Variants in TAFA1 observed in about 807,000 individuals in gnomAD.
TAFA1 encodes TAFA chemokine like family member 1.
In TAFA1, 4 loss-of-function variants were observed where a neutral mutation model predicts 18.5. The observed-to-expected ratio is 0.22, with a 90% CI of 0.11 to 0.49. The LOEUF is 0.49. TAFA1 is among the 20% of genes least tolerant of loss of function. The probability of loss-of-function intolerance (pLI) is 0.98; values close to 1 mark genes in which losing one functional copy is unlikely to be tolerated. For synonymous variants in TAFA1, 56 were observed against 55.2 expected (o/e 1.01, Z -0.06); for missense variants, 147 against 169.0 (o/e 0.87, Z 0.72).
At chr3:68,257,815 C>T (rs1360809902) in intron 2 of TAFA1, among the ~76,000 whole-genome samples, 2 of 152,004 alleles carry the variant, frequency 1.3e-5, no homozygotes, top group Non-Finnish European at 2.9e-5. Flanking sequence ...ACTTGGAAGC[C>T]ATTATCTTAA....
chr3:68,299,673 T>TA (rs1267583966), intron 2 of TAFA1, among the ~76,000 whole-genome samples: 1 of 152,182 alleles, frequency 6.6e-6, no homozygotes, highest in African/African-American at 2.4e-5. Flanking sequence ...TCCCTCCCAT[T>TA]ACAGGCCTGG....
chr3:68,148,614 C>T (rs558599531), intron 2 of TAFA1, among the ~76,000 whole-genome samples: 4 of 152,206 alleles, frequency 2.6e-5, no homozygotes, highest in East Asian at 1.9e-4. Context: ...AGCTTCTCAG[C>T]GCTGTCTTTG....
chr3:68,276,938 A>T (rs1252688241), intron 2 of TAFA1, among the ~76,000 whole-genome samples: 1 of 152,178 alleles, frequency 6.6e-6, no homozygotes, highest in Non-Finnish European at 1.5e-5. Flanking sequence ...TTCTGATTTT[A>T]AATATTCAAA....
At chr3:68,297,701 T>C (rs1208415167) in intron 2 of TAFA1, among the ~76,000 whole-genome samples, 1 of 152,192 alleles carries the variant, frequency 6.6e-6, no homozygotes, top group East Asian at 1.9e-4. Flanking sequence ...AGCAAGATCT[T>C]CCTCTCCTGA....
chr3:68,194,529 T>C (rs980587005), intron 2 of TAFA1, among the ~76,000 whole-genome samples: 1 of 151,770 alleles, frequency 6.6e-6, no homozygotes, highest in Non-Finnish European at 1.5e-5. Context: ...TATATTGTAC[T>C]AAAAAAATTT....
chr3:68,425,180 C>T (rs1302767495), intron 3 of TAFA1, among the ~76,000 whole-genome samples: 1 of 151,880 alleles, frequency 6.6e-6, no homozygotes, highest in African/African-American at 2.4e-5. Context: ...AAATATTAAA[C>T]GTTTTTGGGG....
At chr3:68,088,457 C>T (rs1350658955) in intron 2 of TAFA1, among the ~76,000 whole-genome samples, 1 of 152,198 alleles carries the variant, frequency 6.6e-6, no homozygotes, top group Non-Finnish European at 1.5e-5. Flanking sequence ...CCAAGTTCAA[C>T]TAATTATTAG....
intron 3 of TAFA1, among the ~76,000 whole-genome samples, chr3:68,502,033 G>T (rs2072666686): frequency 6.6e-6 from 1 of 152,124 alleles, no homozygotes; most frequent in African/African-American, 2.4e-5. Context: ...TTCAAGCTGG[G>T]CCTTAGTACA....
chr3:68,025,183 G>C (rs1261854445), intron 2 of TAFA1, among the ~76,000 whole-genome samples: 1 of 152,028 alleles, frequency 6.6e-6, no homozygotes, highest in African/African-American at 2.4e-5. Flanking sequence ...GCCAACTACT[G>C]TCTTCAGATT....
At chr3:68,123,366 A>T (rs2065423589) in intron 2 of TAFA1, among the ~76,000 whole-genome samples, 1 of 152,112 alleles carries the variant, frequency 6.6e-6, no homozygotes. Flanking sequence ...TCCAATAAAA[A>T]CACACGGATG....
chr3:68,508,256 T>C (rs1438578110), intron 3 of TAFA1, among the ~76,000 whole-genome samples: 1 of 151,898 alleles, frequency 6.6e-6, no homozygotes, highest in Admixed American at 6.6e-5. Context: ...TAACCTTAAT[T>C]ACTTGCTTAC....
intron 2 of TAFA1, among the ~76,000 whole-genome samples, chr3:68,070,110 C>T (rs1429719982): frequency 6.6e-6 from 1 of 152,228 alleles, no homozygotes; most frequent in Non-Finnish European, 1.5e-5. Context: ...TGTGGGGGCT[C>T]TAATCCTACA....
intron 2 of TAFA1, among the ~76,000 whole-genome samples, chr3:68,012,950 T>G (rs1455190805): frequency 1.3e-5 from 2 of 152,180 alleles, no homozygotes; most frequent in Non-Finnish European, 2.9e-5. Flanking sequence ...TTGCAGTGCT[T>G]GTAAGTATAT....
intron 2 of TAFA1, among the ~76,000 whole-genome samples, chr3:68,072,674 G>A (rs1371489095): frequency 6.6e-6 from 1 of 152,114 alleles, no homozygotes; most frequent in African/African-American, 2.4e-5. Flanking sequence ...TTAGGTGAAT[G>A]GTGACACCAC....
intron 2 of TAFA1, among the ~76,000 whole-genome samples, chr3:68,024,362 G>C (rs960260216): frequency 3.3e-5 from 5 of 152,086 alleles, no homozygotes; most frequent in African/African-American, 1.2e-4. Flanking sequence ...TAGGTGTTAA[G>C]TGACTTATTT....
At chr3:68,525,485 A>G (rs959564074) in intron 3 of TAFA1, among the ~76,000 whole-genome samples, 1 of 152,148 alleles carries the variant, frequency 6.6e-6, no homozygotes, top group Non-Finnish European at 1.5e-5. Flanking sequence ...AATTCTTCCA[A>G]ATAGTCCAGA....
At chr3:68,425,537 A>C (rs1261282959) in intron 3 of TAFA1, among the ~76,000 whole-genome samples, 1 of 151,930 alleles carries the variant, frequency 6.6e-6, no homozygotes, top group Non-Finnish European at 1.5e-5. Context: ...TTGAAACAGC[A>C]TTTAGTCCCC....
chr3:68,009,993 A>G (rs1266182689), intron 2 of TAFA1, among the ~76,000 whole-genome samples: 1 of 152,228 alleles, frequency 6.6e-6, no homozygotes, highest in East Asian at 1.9e-4. Flanking sequence ...AAAACAAGTG[A>G]CATGATGAGA....
intron 2 of TAFA1, among the ~76,000 whole-genome samples, chr3:68,161,204 T>C (rs2065921854): frequency 6.6e-6 from 1 of 152,234 alleles, no homozygotes; most frequent in Non-Finnish European, 1.5e-5. Context: ...AACGCTATGA[T>C]ATGCTGGACC....
Sources: gnomAD v4.1 joint callset for allele counts (sites outside exome capture counted in the v4.1 genomes callset) on GRCh38, gnomAD v4.1.1 for gene constraint, MANE v1.5 for transcripts, NCBI Gene and HGNC (gene_info 2026-07-23, HGNC 2026-07-21) for gene names.